The following SIX3 variants were observed in gnomAD, a reference collection of about 807,000 sequenced individuals.
SIX3 encodes the protein SIX homeobox 3.
Under a neutral mutation model 21.7 loss-of-function variants are expected in SIX3, and 2 were observed. The observed-to-expected ratio is 0.09, with a 90% confidence interval of 0.04 to 0.29. The LOEUF (loss-of-function observed/expected upper bound fraction) is 0.29, where lower values mean the gene tolerates loss of function less well. Ranked by LOEUF, SIX3 falls within the 10% of genes least tolerant of loss-of-function variation. SIX3 has a pLI of 1.00. For synonymous variants in SIX3, 243 were observed against 220.6 expected (o/e 1.10, Z -0.90); for missense variants, 347 against 480.7 (o/e 0.72, Z 2.60).
chr2:44,942,338 C>T lies in SIX3; in HGVS notation c.234C>T (p.Ser78=). 6.3e-7 allele frequency: 1 copy of T among 1,596,426 alleles called. No homozygotes were observed. The highest frequency in any genetic ancestry group is 8.5e-7 in the Non-Finnish European group (1 of 1,179,152). ...CCAGGGCCCCCCCGGAAGAGTTGTCCATGTTCCAGCTGCCCACCCTCAACT... is the reference window on the plus strand; with the variant it reads ...CCAGGGCCCCCCCGGAAGAGTTGTCTATGTTCCAGCTGCCCACCCTCAACT... The part of the protein sequence containing the change: ...GGSRAPPEEL[S]MFQLPTLNFS... The change falls in exon 1 of 2, where the codon TCC becomes TCT. Residue 78 remains serine (S), a synonymous_variant. Transcript: ENST00000260653. The surrounding 1 kb of genome is among the most constrained non-coding windows in gnomAD (Gnocchi z 8.4).
chr2:44,943,485 G>A (rs1291561064), intron 1 of SIX3, among the ~76,000 whole-genome samples: 2 of 152,232 alleles, frequency 1.3e-5, no homozygotes, highest in Admixed American at 6.5e-5. Context: ...GTGTGCGTGT[G>A]TGTGTGCACG....
At chr2:44,943,046 T>C in intron 1 of SIX3, 136 bp downstream of exon 1, 2 of 1,400,214 alleles carry the variant, frequency 1.4e-6, no homozygotes, top group South Asian at 1.5e-5. Flanking sequence ...AAGTTTCCGC[T>C]TGTCCGGGAC....
rs1379118455 is a variant in SIX3 at position 44,945,676 on chromosome 2, T to C, written c.*916T>C. 6.6e-6 allele frequency: 1 copy of C among 152,238 alleles called. No homozygotes were observed. The highest frequency in any genetic ancestry group is 1.5e-5 in the Non-Finnish European group (1 of 68,032). The allele number at this position is 152,238 out of a possible 1,614,324, so 9.4% of individuals were successfully genotyped here. Reference sequence around the variant, plus strand: ...TGTATATCTTAATGATCGGTCATTTTCCCAGTTTGTAATATATGTGTAGAA... The same window carrying C: ...TGTATATCTTAATGATCGGTCATTTCCCCAGTTTGTAATATATGTGTAGAA... On this transcript the variant is annotated 3_prime_UTR_variant, in exon 2 of 2. Transcript: ENST00000260653.
rs1666682870 is a variant in SIX3 at position 44,945,807 on chromosome 2, C to T, written c.*1047C>T. ...AACTGTCTCTTTTCTTTTTGGGGTT[C>T]TCCTCCCACTCGGTGCTCCTGGTGT... On this transcript the variant is annotated 3_prime_UTR_variant, in exon 2 of 2. Transcript: ENST00000260653. 2 of 152,170 alleles carry T rather than the reference C, an allele frequency of 1.3e-5. No individual in the cohort carries two copies. The highest frequency in any genetic ancestry group is 4.8e-5 in the African/African-American group (2 of 41,426). 9.4% of individuals were successfully genotyped at this position (152,170 alleles called of 1,614,324 possible).
At position 44,944,918 on chromosome 2, in the gene SIX3, C is replaced by G; in HGVS notation, c.*158C>G. Reference sequence around the variant, plus strand: ...AACCATACACACATACAAGTCCACACACACTCCCACCCCAGCCAAAAATAT... The same window carrying G: ...AACCATACACACATACAAGTCCACAGACACTCCCACCCCAGCCAAAAATAT... On this transcript the variant is annotated 3_prime_UTR_variant, in exon 2 of 2. Coordinates refer to ENST00000260653, the MANE Select transcript of SIX3 (RefSeq NM_005413.4). 1 of 700,614 alleles carries G rather than the reference C, an allele frequency of 1.4e-6. No homozygotes were observed. The allele number at this position is 700,614 out of a possible 1,614,324, so 43.4% of individuals were successfully genotyped here.
rs1264797071 is a variant in SIX3 at position 44,945,506 on chromosome 2, G to T, written c.*746G>T. 3 of 150,956 alleles carry T rather than the reference G, an allele frequency of 2.0e-5. No homozygotes were observed. The highest frequency in any genetic ancestry group is 3.0e-5 in the Non-Finnish European group (2 of 67,770). 9.4% of individuals were successfully genotyped at this position (150,956 alleles called of 1,614,324 possible). On this transcript the variant is annotated 3_prime_UTR_variant, in exon 2 of 2. Transcript: ENST00000260653. Reference sequence around the variant, plus strand: ...AAAAAAATGCAATCTTCTGTTTTTTGTTCAGCAGACAATCATTTTCTTCGT... The same window carrying T: ...AAAAAAATGCAATCTTCTGTTTTTTTTTCAGCAGACAATCATTTTCTTCGT...
At position 44,941,980 on chromosome 2, in the gene SIX3, C is replaced by G. The variant is rs1002941233; in HGVS notation, c.-125C>G. 10 of 675,498 alleles carry G rather than the reference C, an allele frequency of 1.5e-5. No individual in the cohort carries two copies. The highest frequency in any genetic ancestry group is 4.3e-5 in the South Asian group (3 of 69,578). The allele number at this position is 675,498 out of a possible 1,614,324, so 41.8% of individuals were successfully genotyped here. ...CCTCTCCCTCCTCCTCCTGCTCCCC[C>G]CTCCTTTCCTTCTCCTCCTCCCCCC... is the stretch of plus-strand genomic sequence containing the variant. On this transcript the variant is annotated 5_prime_UTR_variant, in exon 1 of 2. Transcript: ENST00000260653.
At chr2:44,943,478 T>C (rs1666623487) in intron 1 of SIX3, among the ~76,000 whole-genome samples, 1 of 152,228 alleles carries the variant, frequency 6.6e-6, no homozygotes. Context: ...CGTGTGCGTG[T>C]GCGTGTGTGT....
At chr2:44,944,160 C>G (rs575525528) in intron 1 of SIX3, among the ~76,000 whole-genome samples, 3 of 152,390 alleles carry the variant, frequency 2.0e-5, no homozygotes, top group African/African-American at 7.2e-5. Flanking sequence ...CGGTCCTGCG[C>G]TCTGCGCTGG....
At chr2:44,943,693 C>A (rs1167118881) in intron 1 of SIX3, among the ~76,000 whole-genome samples, 1 of 152,084 alleles carries the variant, frequency 6.6e-6, no homozygotes. Flanking sequence ...AGTGGATAGG[C>A]GAAAGGAGTG....
At position 44,944,826 on chromosome 2, in the gene SIX3, C is replaced by CCCT; in HGVS notation, c.*74_*76dup. Reference sequence around the variant, plus strand: ...CCACTCCTTCCCCTCCGCCTCCTAGCCCTCCTCCTCTTCCTCCTCTTCCTT... The same window carrying CCCT: ...CCACTCCTTCCCCTCCGCCTCCTAGCCCTCCTCCTCCTCTTCCTCCTCTTCCTT... On this transcript the variant is annotated 3_prime_UTR_variant, in exon 2 of 2. Transcript: ENST00000260653. The CCCT allele has an allele frequency of 7.2e-7, 1 of 1,394,678 alleles. No individual in the cohort carries two copies. The highest frequency in any genetic ancestry group is 1.4e-5 in the African/African-American group (1 of 70,074). The allele number at this position is 1,394,678 out of a possible 1,614,324, so 86.4% of individuals were successfully genotyped here. A position where few individuals can be genotyped will look rare whatever the true frequency, so the allele number is the denominator to read the frequency against.
chr2:44,943,002 G>A, intron 1 of SIX3, 92 bp downstream of exon 1: 1 of 1,476,040 alleles, frequency 6.8e-7, no homozygotes. Flanking sequence ...GCCGCTGAGA[G>A]CCAGGGAAGC....
Position 44,944,803 on chromosome 2 carries a change from A to G in SIX3, c.*43A>G. ...CTCCCTCTCCTTCCCCTCCTCCCCC[A>G]CTCCTTCCCCTCCGCCTCCTAGCCC... On this transcript the variant is annotated 3_prime_UTR_variant, in exon 2 of 2. Coordinates refer to ENST00000260653, the MANE Select transcript of SIX3 (RefSeq NM_005413.4). 4 of 1,379,042 alleles carry G rather than the reference A, an allele frequency of 2.9e-6. No individual in the cohort carries two copies. The highest frequency in any genetic ancestry group is 3.8e-6 in the Non-Finnish European group (4 of 1,049,688). The allele number at this position is 1,379,042 out of a possible 1,614,324, so 85.4% of individuals were successfully genotyped here.
rs1354529991 is a variant in SIX3 at position 44,942,833 on chromosome 2, C to T, written c.729C>T (p.Thr243=). 3 of 1,599,448 alleles carry T rather than the reference C, an allele frequency of 1.9e-6. No homozygotes were observed. Among genetic ancestry groups the T allele is most frequent in the Non-Finnish European group, 1.7e-6 (2 of 1,179,916 alleles). Residue 243 remains threonine, a synonymous_variant, in exon 1 of 2, where the codon ACC becomes ACT. Coordinates refer to ENST00000260653, the MANE Select transcript of SIX3 (RefSeq NM_005413.4). This position sits in a 1 kb window ranked among gnomAD's most constrained non-coding sequence, Gnocchi z 8.4. ...PSKKRELAQA[T]GLTPTQVGNW... ...AGAAACGCGAACTGGCGCAGGCCAC[C>T]GGCCTCACTCCCACACAAGTAGGCA...
chr2:44,942,791 C>T lies in SIX3; in HGVS notation c.687C>T (p.Pro229=), dbSNP rs1232277492. The change falls in exon 1 of 2, where the codon CCC becomes CCT. Residue 229 remains proline, a synonymous_variant. Transcript: ENST00000260653. This position sits in a 1 kb window ranked among gnomAD's most constrained non-coding sequence, Gnocchi z 8.4. The part of the protein sequence containing the change: ...SLLREWYLQD[P]YPNPSKKREL... ...TGCGGGAGTGGTACCTACAGGACCC[C>T]TACCCCAACCCCAGCAAGAAACGCG... 6.3e-7 allele frequency: 1 copy of T among 1,599,846 alleles called. No homozygotes were observed.
chr2:44,942,182 C>T lies in SIX3; in HGVS notation c.78C>T (p.Ser26=). The change falls in exon 1 of 2, where the codon TCC becomes TCT. Residue 26 remains serine (S), a synonymous_variant. Coordinates refer to ENST00000260653, the MANE Select transcript of SIX3 (RefSeq NM_005413.4). The surrounding 1 kb of genome is among the most constrained non-coding windows in gnomAD (Gnocchi z 8.4). Reference sequence around the variant, plus strand: ...ACTTCGCCGATTCTCACCACCGCTCCATACTTCTGGCGAGTAGCGGCGGCG... The same window carrying T: ...ACTTCGCCGATTCTCACCACCGCTCTATACTTCTGGCGAGTAGCGGCGGCG... ...LPNFADSHHR[S]ILLASSGGGN... The T allele has an allele frequency of 6.3e-7, 1 of 1,598,098 alleles. No homozygotes were observed. The highest frequency in any genetic ancestry group is 8.5e-7 in the Non-Finnish European group (1 of 1,179,256).
Position 44,944,878 on chromosome 2 carries a change from G to C in SIX3, c.*118G>C. On this transcript the variant is annotated 3_prime_UTR_variant, in exon 2 of 2. Coordinates refer to ENST00000260653, the MANE Select transcript of SIX3 (RefSeq NM_005413.4). ...TCCTCCTCCATCCCCAGAACAAACCGAAATCAGGATACCCAACCATACACA... is the reference window on the plus strand; with the variant it reads ...TCCTCCTCCATCCCCAGAACAAACCCAAATCAGGATACCCAACCATACACA... The C allele has an allele frequency of 1.1e-6, 1 of 939,716 alleles. No individual in the cohort carries two copies. Among genetic ancestry groups the C allele is most frequent in the Non-Finnish European group, 1.6e-6 (1 of 611,440 alleles). 58.2% of individuals were successfully genotyped at this position (939,716 alleles called of 1,614,324 possible).
rs1219736602 is a variant in SIX3, at chr2:44,942,614, C to G, written c.510C>G (p.Leu170=). The G allele has an allele frequency of 6.3e-7, 1 of 1,596,298 alleles. No homozygotes were observed. Among genetic ancestry groups the G allele is most frequent in the Non-Finnish European group, 8.5e-7 (1 of 1,178,906 alleles). ...ESHGKLQAMW[L]EAHYQEAEKL... ...ACGGCAAGCTGCAGGCCATGTGGCT[C>G]GAGGCGCACTACCAGGAGGCCGAGA... is the stretch of plus-strand genomic sequence containing the variant. Residue 170 remains leucine, a synonymous_variant, in exon 1 of 2, where the codon CTC becomes CTG. Coordinates refer to ENST00000260653, the MANE Select transcript of SIX3 (RefSeq NM_005413.4). The surrounding 1 kb of genome is among the most constrained non-coding windows in gnomAD (Gnocchi z 8.4).
At position 44,942,355 on chromosome 2, in the gene SIX3, C is replaced by T. The variant is rs1572623929; in HGVS notation, c.251C>T (p.Thr84Ile). The T allele has an allele frequency of 1.3e-6, 2 of 1,597,502 alleles. No individual in the cohort carries two copies. The highest frequency in any genetic ancestry group is 4.5e-5 in the East Asian group (2 of 44,814). Residue 84 changes from threonine (T) to isoleucine (I), a missense_variant, in exon 1 of 2, where the codon ACC becomes ATC. Physicochemically the swap from Thr to Ile is moderately conservative, Grantham distance 89 (BLOSUM62 -1). This residue lies in a region of SIX3 where 117 missense variants were observed against 205.9 expected (regional missense o/e 0.57). Coordinates refer to ENST00000260653, the MANE Select transcript of SIX3 (RefSeq NM_005413.4). This position sits in a 1 kb window ranked among gnomAD's most constrained non-coding sequence, Gnocchi z 8.4. Reference protein sequence around the residue: ...PEELSMFQLPTLNFSPEQVAS... With the variant: ...PEELSMFQLPILNFSPEQVAS... Reference sequence around the variant, plus strand: ...GAGTTGTCCATGTTCCAGCTGCCCACCCTCAACTTCTCGCCGGAGCAGGTG... The same window carrying T: ...GAGTTGTCCATGTTCCAGCTGCCCATCCTCAACTTCTCGCCGGAGCAGGTG...
Sources: gnomAD v4.1 joint callset for allele counts (sites outside exome capture counted in the v4.1 genomes callset) on GRCh38, gnomAD v4.1.1 for gene constraint, gnomAD v4.1.1 regional missense constraint, Gnocchi (gnomAD v3.1) non-coding constraint, MANE v1.5 for transcripts, NCBI Gene and HGNC (gene_info 2026-07-23, HGNC 2026-07-21) for gene names.